PDE1C: variants seen among roughly 807,000 people sequenced by gnomAD.
PDE1C encodes dual specificity calcium/calmodulin-dependent 3',5'-cyclic nucleotide phosphodiesterase 1C.
In PDE1C, 62 loss-of-function variants were observed where a neutral mutation model predicts 93.1. The ratio of observed to expected loss-of-function variants is 0.67; its 90% CI spans 0.54 to 0.82. The LOEUF is 0.82. Among genes scored for constraint, PDE1C ranks in the 40% least tolerant of loss-of-function variants. PDE1C has a pLI of 0.00. For missense variants in PDE1C, 742 were observed against 884.6 expected, an observed-to-expected ratio of 0.84 and a Z score of 2.04; for synonymous variants, 325 against 310.1, an observed-to-expected ratio of 1.05 and a Z score of -0.50.
At chr7:32,087,514 G>A (rs1797175526) in intron 3 of PDE1C, among the ~76,000 whole-genome samples, 1 of 152,022 alleles carries the variant, frequency 6.6e-6, no homozygotes, top group African/African-American at 2.4e-5. Context: ...TATACCCAAA[G>A]GACTATAAAT....
intron 2 of PDE1C, among the ~76,000 whole-genome samples, chr7:31,927,305 T>C (rs1156713228): frequency 6.6e-6 from 1 of 152,136 alleles, no homozygotes; most frequent in African/African-American, 2.4e-5. Flanking sequence ...GTCAGGGGCT[T>C]ATAGATAAAA....
At chr7:32,180,438 G>A (rs994285255) in intron 2 of PDE1C, among the ~76,000 whole-genome samples, 3 of 152,154 alleles carry the variant, frequency 2.0e-5, no homozygotes, top group African/African-American at 7.2e-5. Flanking sequence ...GTATTAAGAG[G>A]TGTGGCCTTT....
intron 5 of PDE1C, among the ~76,000 whole-genome samples, chr7:31,875,623 GGAAGCGT>G (rs1425223159): frequency 3.3e-5 from 5 of 151,332 alleles, no homozygotes; most frequent in African/African-American, 1.2e-4. Context: ...CTAACACAAA[GGAAGCGT>G]GAACCTCCTC....
intron 16 of PDE1C, among the ~76,000 whole-genome samples, chr7:31,805,596 T>C (rs182587433): frequency 2.9e-4 from 44 of 150,932 alleles, no homozygotes; most frequent in African/African-American, 1.0e-3. Flanking sequence ...TGTCTGGAAG[T>C]ACTCTCAATG....
At chr7:32,102,990 A>G (rs374642908) in intron 3 of PDE1C, among the ~76,000 whole-genome samples, 4 of 152,116 alleles carry the variant, frequency 2.6e-5, no homozygotes, top group African/African-American at 9.7e-5. Flanking sequence ...ATAGAGAGAG[A>G]GGGGCTCCTG....
chr7:32,206,282 GA>G (rs1805513285), intron 2 of PDE1C, among the ~76,000 whole-genome samples: 1 of 152,076 alleles, frequency 6.6e-6, no homozygotes, highest in Admixed American at 6.5e-5. Flanking sequence ...GGAGCAGGGG[GA>G]AAGGAGCAGA....
At chr7:31,951,415 C>T (rs1310170815) in intron 2 of PDE1C, among the ~76,000 whole-genome samples, 2 of 152,214 alleles carry the variant, frequency 1.3e-5, no homozygotes, top group African/African-American at 4.8e-5. Context: ...CTCCTGGCTT[C>T]GGCCCTCAGT....
intron 2 of PDE1C, among the ~76,000 whole-genome samples, chr7:31,971,283 G>T (rs1290534037): frequency 6.6e-6 from 1 of 152,068 alleles, no homozygotes; most frequent in Non-Finnish European, 1.5e-5. Context: ...TCTGTGGTAG[G>T]TATATTACCC....
intron 3 of PDE1C, among the ~76,000 whole-genome samples, chr7:32,121,786 A>T (rs1013942461): frequency 7.2e-5 from 11 of 152,218 alleles, no homozygotes; most frequent in African/African-American, 2.7e-4. Flanking sequence ...TATAAAGACC[A>T]ATGACACTAT....
Position 32,092,919 on chromosome 7 carries a change from G to T in PDE1C, c.308+76866C>A, listed in dbSNP as rs1300037624. ...GAAAGTTTAGAAAGGCAAGCAATTG[G>T]CCCAAAGTGATCCACTAGTCAGTAC... On this transcript the variant is annotated intron_variant, in intron 3 of 18. Transcript: ENST00000396193. Among the ~76,000 whole-genome samples the T allele has an allele frequency of 2.0e-5, 3 of 152,048 alleles. No individual in the cohort carries two copies. In the East Asian group the frequency reaches 5.8e-4, roughly 29 times the overall value.
At chr7:32,038,566 C>T (rs569519270) in intron 2 of PDE1C, among the ~76,000 whole-genome samples, 12 of 152,082 alleles carry the variant, frequency 7.9e-5, no homozygotes, top group South Asian at 2.1e-4. Context: ...CTTAACTGGC[C>T]GAAAAATCAC....
rs1392161631 is a variant in PDE1C, at chr7:31,867,800, G to C, written c.610-2718C>G. Among the ~76,000 whole-genome samples the C allele has an allele frequency of 4.6e-5, 7 of 151,996 alleles. No homozygotes were observed. The South Asian group carries it at 1.2e-3, about 27-fold the overall frequency. On this transcript the variant is annotated intron_variant, in intron 6 of 17. Coordinates refer to ENST00000396191, the MANE Select transcript of PDE1C (RefSeq NM_001191057.4). ...CCCTGGGGCCCAAGGCATGGGACAG[G>C]CATGCTTGGCCCACCACTGCCACTA...
At chr7:32,196,611 T>C (rs769891923) in intron 2 of PDE1C, among the ~76,000 whole-genome samples, 43 of 152,266 alleles carry the variant, frequency 2.8e-4, no homozygotes, top group Non-Finnish European at 5.3e-4. Context: ...AATAGGAAAA[T>C]GTATGTCTAT....
chr7:32,275,246 T>C (rs1035204853), intron 1 of PDE1C, among the ~76,000 whole-genome samples: 1 of 152,082 alleles, frequency 6.6e-6, no homozygotes, highest in Non-Finnish European at 1.5e-5. Flanking sequence ...AGCTCACACA[T>C]GTCATCAGAT....
intron 1 of PDE1C, among the ~76,000 whole-genome samples, chr7:32,371,108 C>T (rs1338919089): frequency 6.6e-6 from 1 of 152,096 alleles, no homozygotes; most frequent in East Asian, 1.9e-4. Context: ...TACTGTGTTC[C>T]TTCCAGTCTC....
At chr7:31,799,617 T>G (rs966397077) in intron 16 of PDE1C, among the ~76,000 whole-genome samples, 5 of 151,700 alleles carry the variant, frequency 3.3e-5, no homozygotes, top group Admixed American at 6.6e-5. Context: ...GTGACCACTG[T>G]GAGCCATGTA....
intron 1 of PDE1C, among the ~76,000 whole-genome samples, chr7:32,212,538 C>T (rs1486444425): frequency 2.0e-5 from 3 of 152,206 alleles, no homozygotes; most frequent in Admixed American, 6.5e-5. Flanking sequence ...TCCAGCTCAC[C>T]TGCACCAACT....
At chr7:31,646,158 G>A in the PDE1C span, among the ~76,000 whole-genome samples, 1 of 152,088 alleles carries the variant, frequency 6.6e-6, no homozygotes, top group Non-Finnish European at 1.5e-5. Flanking sequence ...TGTCTATTTT[G>A]TTAAAAATAA....
At chr7:32,385,845 C>G (rs1042766669) in intron 1 of PDE1C, among the ~76,000 whole-genome samples, 5 of 152,062 alleles carry the variant, frequency 3.3e-5, no homozygotes, top group African/African-American at 1.2e-4. Flanking sequence ...CCTTGTTCAC[C>G]AGGCTAATTA....
Sources: allele counts gnomAD v4.1 joint callset (sites outside exome capture counted in the v4.1 genomes callset), GRCh38; gene constraint gnomAD v4.1.1; transcripts MANE v1.5; gene names NCBI Gene and HGNC (gene_info 2026-07-23, HGNC 2026-07-21).